The following SOX5 variants were observed in gnomAD, a reference collection of about 807,000 sequenced individuals.
SOX5 encodes SRY-box transcription factor 5.
A neutral mutation model predicts 92.0 loss-of-function variants in SOX5; 9 were observed. The ratio of observed to expected loss-of-function variants is 0.10; its 90% CI spans 0.06 to 0.17. The LOEUF (loss-of-function observed/expected upper bound fraction) is 0.17. Among genes scored for constraint, SOX5 ranks in the 10% least tolerant of loss-of-function variants. SOX5 has a pLI of 1.00. For missense variants in SOX5, 642 were observed against 944.5 expected, an observed-to-expected ratio of 0.68 and a Z score of 4.20; for synonymous variants, 344 against 336.3, an observed-to-expected ratio of 1.02 and a Z score of -0.25.
Position 23,767,435 on chromosome 12 carries a change from A to C in SOX5, c.482-11711T>G, listed in dbSNP as rs535743132. Among the ~76,000 whole-genome samples the C allele has an allele frequency of 2.0e-5, 3 of 152,304 alleles. No homozygotes were observed. In the East Asian group the frequency reaches 5.8e-4, roughly 29 times the overall value. ...GGGAGAATCACGTTACAAGCAATTT[A>C]ATGAATCAGAGAAGAACAAAGGAGA... On this transcript the variant is annotated intron_variant, in intron 3 of 14. Transcript: ENST00000451604.
intron 1 of SOX5, among the ~76,000 whole-genome samples, chr12:24,517,620 A>G (rs1219370680): frequency 3.3e-5 from 5 of 152,136 alleles, no homozygotes; most frequent in Non-Finnish European, 7.4e-5. Flanking sequence ...CTACATCACT[A>G]ATGGATGTTT....
intron 3 of SOX5, among the ~76,000 whole-genome samples, chr12:24,273,487 G>A (rs10842305): frequency 0.21 from 31,648 of 152,078 alleles, 3,421 homozygotes; most frequent in Non-Finnish European, 0.24. Context: ...AAATTTATAC[G>A]TATTTCTTAC....
chr12:23,788,821 G>A (rs2095423705), intron 3 of SOX5, among the ~76,000 whole-genome samples: 1 of 151,856 alleles, frequency 6.6e-6, no homozygotes, highest in South Asian at 2.1e-4. Flanking sequence ...CACATACCAT[G>A]TGCCACACAG....
intron 4 of SOX5, among the ~76,000 whole-genome samples, chr12:24,085,399 CAACT>C (rs369071146): frequency 1.3e-5 from 2 of 152,076 alleles, no homozygotes; most frequent in African/African-American, 4.8e-5. Flanking sequence ...TTACAGAGGT[CAACT>C]AACTTGCCCA....
intron 1 of SOX5, among the ~76,000 whole-genome samples, chr12:24,532,792 T>C (rs902306322): frequency 1.3e-5 from 2 of 152,196 alleles, no homozygotes; most frequent in Admixed American, 6.5e-5. Flanking sequence ...AATGATTTCA[T>C]AATGAAATAA....
chr12:24,503,525 C>T (rs965777976), intron 1 of SOX5, among the ~76,000 whole-genome samples: 7 of 152,088 alleles, frequency 4.6e-5, no homozygotes, highest in African/African-American at 1.2e-4. Flanking sequence ...CACATGCACA[C>T]GTATGTTTAT....
At chr12:23,693,932 G>C (rs2089356253) in intron 6 of SOX5, among the ~76,000 whole-genome samples, 1 of 151,988 alleles carries the variant, frequency 6.6e-6, no homozygotes, top group African/African-American at 2.4e-5. Flanking sequence ...ATATCTTTTA[G>C]ACAATTATTT....
intron 4 of SOX5, among the ~76,000 whole-genome samples, chr12:24,128,820 G>T (rs1174543994): frequency 6.6e-6 from 1 of 152,160 alleles, no homozygotes; most frequent in Non-Finnish European, 1.5e-5. Flanking sequence ...TCGTCCTTGG[G>T]CTGTTGTGTA....
intron 4 of SOX5, among the ~76,000 whole-genome samples, chr12:24,160,983 A>C (rs1191755797): frequency 6.6e-6 from 1 of 152,058 alleles, no homozygotes; most frequent in African/African-American, 2.4e-5. Context: ...CAACAACCTT[A>C]ATGAAGTAGA....
intron 14 of SOX5, among the ~76,000 whole-genome samples, 176 bp from the exon 15 acceptor site, chr12:23,534,698 T>C (rs891315474): frequency 6.8e-6 from 1 of 146,070 alleles, no homozygotes; most frequent in South Asian, 2.2e-4. Context: ...GTTTTTCTTT[T>C]CTTTTCTTTT....
chr12:23,924,926 T>C (rs1385840696), intron 1 of SOX5, among the ~76,000 whole-genome samples: 2 of 152,090 alleles, frequency 1.3e-5, no homozygotes, highest in East Asian at 3.9e-4. Flanking sequence ...AACCCAACTT[T>C]GTTCACTTGT....
chr12:23,701,851 C>G (rs937081812), intron 6 of SOX5, among the ~76,000 whole-genome samples: 9 of 152,054 alleles, frequency 5.9e-5, no homozygotes, highest in African/African-American at 2.2e-4. Flanking sequence ...TCCTCCATTT[C>G]TCTTCTATTT....
At chr12:24,531,144 C>T (rs980641431) in intron 1 of SOX5, among the ~76,000 whole-genome samples, 1 of 152,044 alleles carries the variant, frequency 6.6e-6, no homozygotes, top group African/African-American at 2.4e-5. Context: ...AAAAAATAAA[C>T]TCAAATGAAG....
chr12:24,120,885 C>T (rs1948542240), intron 4 of SOX5, among the ~76,000 whole-genome samples: 2 of 152,094 alleles, frequency 1.3e-5, no homozygotes, highest in South Asian at 4.1e-4. Flanking sequence ...TCTTGGAAAA[C>T]AAAAATAAGA....
chr12:24,381,764 A>G (rs994913957), intron 1 of SOX5, among the ~76,000 whole-genome samples: 3 of 152,224 alleles, frequency 2.0e-5, no homozygotes, highest in Admixed American at 2.0e-4. Flanking sequence ...ATCAAGTTGG[A>G]TAAATAAATT....
At chr12:24,037,869 T>C (rs1241952960) in intron 4 of SOX5, among the ~76,000 whole-genome samples, 1 of 152,132 alleles carries the variant, frequency 6.6e-6, no homozygotes, top group Non-Finnish European at 1.5e-5. Flanking sequence ...GGAGTCCTAA[T>C]GGTACTATTA....
chr12:24,376,659 A>C (rs1053119268), intron 1 of SOX5, among the ~76,000 whole-genome samples: 1 of 130,056 alleles, frequency 7.7e-6, no homozygotes, highest in Non-Finnish European at 1.6e-5. Context: ...TACCTGGCTT[A>C]ATTTTCAGAA....
intron 1 of SOX5, among the ~76,000 whole-genome samples, chr12:24,428,726 C>CAAAAAAAAAAAAAAAA (rs57964050): frequency 4.9e-4 from 16 of 32,596 alleles, no homozygotes; most frequent in African/African-American, 8.8e-4. Context: ...CTCTGTTTCT[C>CAAAAAAAAAAAAAAAA]AAAAAAAAAA....
intron 4 of SOX5, among the ~76,000 whole-genome samples, chr12:24,017,069 ATGTT>A (rs1953714284): frequency 6.6e-6 from 1 of 152,210 alleles, no homozygotes; most frequent in Non-Finnish European, 1.5e-5. Flanking sequence ...TGGGACAAGA[ATGTT>A]TGTGAGGCAG....
Sources: allele counts gnomAD v4.1 joint callset (sites outside exome capture counted in the v4.1 genomes callset), GRCh38; gene constraint gnomAD v4.1.1; transcripts MANE v1.5; gene names NCBI Gene and HGNC (gene_info 2026-07-23, HGNC 2026-07-21).